LIN7A: variants seen among roughly 807,000 people sequenced by gnomAD.
The protein encoded by LIN7A is lin-7 cell polarity scaffold A, also known as protein lin-7 homolog A.
A neutral mutation model predicts 29.8 loss-of-function variants in LIN7A; 25 were observed. The ratio of observed to expected loss-of-function variants is 0.84; its 90% confidence interval spans 0.61 to 1.17. LIN7A has a LOEUF of 1.17. LIN7A is among the 50% of genes most tolerant of loss of function. The pLI is 0.00. For missense variants in LIN7A, 239 were observed against 287.0 expected, an observed-to-expected ratio of 0.83 and a Z score of 1.21; for synonymous variants, 118 against 107.5, an observed-to-expected ratio of 1.10 and a Z score of -0.60.
At chr12:80,897,530 G>T (rs1008564264) in intron 1 of LIN7A, among the ~76,000 whole-genome samples, 1 of 152,106 alleles carries the variant, frequency 6.6e-6, no homozygotes, top group African/African-American at 2.4e-5. Flanking sequence ...TTGTTTGTTG[G>T]GGCCGGATGC....
intron 2 of LIN7A, among the ~76,000 whole-genome samples, chr12:80,878,253 T>C (rs934114899): frequency 6.6e-6 from 1 of 152,186 alleles, no homozygotes; most frequent in Non-Finnish European, 1.5e-5. Flanking sequence ...GACAAGTTGA[T>C]GTTACAAACA....
In LIN7A at chr12:80,891,073, C is replaced by T. The variant is rs117210986; in HGVS notation, c.83-1704G>A. 8.1e-4 allele frequency among the ~76,000 whole-genome samples: 123 copies of T among 152,234 alleles called. 2 individuals carry two copies. The East Asian group carries it at 0.017, about 21-fold the overall frequency. On this transcript the variant is annotated intron_variant, in intron 1 of 5. Coordinates refer to ENST00000552864, the MANE Select transcript of LIN7A (RefSeq NM_004664.4). ...GCAAAACTATGGTGTTTTTCACACT[C>T]CCCTTGCATACAGATAGTCGGCAAG...
At chr12:80,863,300 A>G (rs533640142) in intron 2 of LIN7A, among the ~76,000 whole-genome samples, 1 of 152,336 alleles carries the variant, frequency 6.6e-6, no homozygotes, top group East Asian at 1.9e-4. Flanking sequence ...ATTAAACTAG[A>G]TAATTGATAT....
intron 2 of LIN7A, among the ~76,000 whole-genome samples, chr12:80,878,315 T>C (rs1373278474): frequency 6.6e-6 from 1 of 152,222 alleles, no homozygotes; most frequent in Non-Finnish European, 1.5e-5. Context: ...GCTGCAGAAA[T>C]AGAACTATAA....
chr12:80,821,835 G>A (rs984415036), intron 4 of LIN7A, among the ~76,000 whole-genome samples: 4 of 152,208 alleles, frequency 2.6e-5, no homozygotes, highest in African/African-American at 9.7e-5. Context: ...TCCCCTTGCA[G>A]GCTCAGAAGT....
At chr12:80,822,460 A>T (rs1871852612) in intron 4 of LIN7A, among the ~76,000 whole-genome samples, 1 of 152,186 alleles carries the variant, frequency 6.6e-6, no homozygotes, top group African/African-American at 2.4e-5. Flanking sequence ...CAGGAGGCTG[A>T]GGCAGGAGAA....
chr12:80,869,498 G>A (rs1014873063), intron 2 of LIN7A, among the ~76,000 whole-genome samples: 2 of 152,038 alleles, frequency 1.3e-5, no homozygotes, highest in African/African-American at 4.8e-5. Flanking sequence ...GGAGAGGCTT[G>A]GCAAAGATCT....
intron 4 of LIN7A, chr12:80,841,889 C>T (rs973010843): frequency 1.2e-5 from 12 of 1,032,112 alleles, no homozygotes; most frequent in African/African-American, 5.2e-5. Flanking sequence ...TTTTGACCTC[C>T]TATTAATGTT....
chr12:80,826,578 G>A (rs925430954), intron 4 of LIN7A, among the ~76,000 whole-genome samples: 23 of 151,860 alleles, frequency 1.5e-4, no homozygotes, highest in African/African-American at 5.1e-4. Context: ...CCTAGAGTGC[G>A]GTGGCATGGT....
At chr12:80,890,970 TC>T (rs1165821614) in intron 1 of LIN7A, among the ~76,000 whole-genome samples, 1 of 151,172 alleles carries the variant, frequency 6.6e-6, no homozygotes, top group African/African-American at 2.4e-5. Context: ...TCATTTTTTT[TC>T]CCCCTAAAAC....
chr12:80,846,142 A>C (rs889460887), intron 3 of LIN7A, among the ~76,000 whole-genome samples: 1 of 152,096 alleles, frequency 6.6e-6, no homozygotes, highest in African/African-American at 2.4e-5. Context: ...CCACTCATCT[A>C]TTTCCAGCTT....
At chr12:80,866,052 G>A (rs1403448748) in intron 2 of LIN7A, among the ~76,000 whole-genome samples, 1 of 152,108 alleles carries the variant, frequency 6.6e-6, no homozygotes, top group Non-Finnish European at 1.5e-5. Context: ...CAGGTGGGGG[G>A]ATTTGTAACA....
chr12:80,842,450 A>G (rs1336690326), intron 4 of LIN7A, among the ~76,000 whole-genome samples: 3 of 152,110 alleles, frequency 2.0e-5, no homozygotes, highest in Non-Finnish European at 4.4e-5. Flanking sequence ...CTTATACTAA[A>G]GTAGTTAAGG....
chr12:80,898,258 T>C (rs1876014597), intron 1 of LIN7A, among the ~76,000 whole-genome samples: 1 of 152,220 alleles, frequency 6.6e-6, no homozygotes, highest in African/African-American at 2.4e-5. Flanking sequence ...TTTGTCAACT[T>C]TGTTGAAGAT....
At chr12:80,841,090 T>C (rs1420534605) in intron 4 of LIN7A, among the ~76,000 whole-genome samples, 1 of 152,064 alleles carries the variant, frequency 6.6e-6, no homozygotes, top group Non-Finnish European at 1.5e-5. Flanking sequence ...AATATTCTCT[T>C]CTCCACTATA....
chr12:80,886,527 A>G (rs996672815), intron 2 of LIN7A, among the ~76,000 whole-genome samples: 4 of 152,144 alleles, frequency 2.6e-5, no homozygotes, highest in African/African-American at 7.2e-5. Flanking sequence ...AAACCATAAC[A>G]TATGAATGGC....
chr12:80,848,015 C>T, intron 3 of LIN7A: 2 of 621,480 alleles, frequency 3.2e-6, no homozygotes, highest in Admixed American at 4.3e-5. Flanking sequence ...GCCAAATGGA[C>T]ATTAAGTGAG....
intron 2 of LIN7A, among the ~76,000 whole-genome samples, chr12:80,863,738 A>C (rs984324515): frequency 2.6e-5 from 4 of 152,164 alleles, no homozygotes; most frequent in Non-Finnish European, 4.4e-5. Context: ...TTAAGGATCA[A>C]GTTATAGACA....
chr12:80,822,590 G>A (rs1871860241), intron 4 of LIN7A, among the ~76,000 whole-genome samples: 1 of 152,026 alleles, frequency 6.6e-6, no homozygotes, highest in Admixed American at 6.6e-5. Flanking sequence ...AAAATAAAAG[G>A]GGTAACTGCC....
Sources: allele counts gnomAD v4.1 joint callset (sites outside exome capture counted in the v4.1 genomes callset), GRCh38; gene constraint gnomAD v4.1.1; transcripts MANE v1.5; gene names NCBI Gene and HGNC (gene_info 2026-07-23, HGNC 2026-07-21).